The following RASSF4 variants were observed in gnomAD, a reference collection of about 807,000 sequenced individuals.
RASSF4 encodes the protein Ras association domain family member 4.
RASSF4 carries 38 observed loss-of-function variants against 41.1 expected under a neutral mutation model. That is an observed-to-expected ratio of 0.92 (90% CI 0.71 to 1.21). RASSF4 has a LOEUF of 1.21. RASSF4 is among the 50% of genes most tolerant of loss of function. RASSF4 has a pLI of 0.00. For missense variants in RASSF4, 414 were observed against 419.4 expected, an observed-to-expected ratio of 0.99 and a Z score of 0.11; for synonymous variants, 179 against 163.4, an observed-to-expected ratio of 1.10 and a Z score of -0.73.
intron 1 of RASSF4, among the ~76,000 whole-genome samples, chr10:44,966,923 TCTGTATTATTC>T (rs1215497283): frequency 6.6e-6 from 1 of 152,218 alleles, no homozygotes; most frequent in Non-Finnish European, 1.5e-5. Context: ...CCTGTGACCA[TCTGTATTATTC>T]CTGTCTCACC....
chr10:44,975,031 A>C (rs1841346207), intron 3 of RASSF4, among the ~76,000 whole-genome samples: 1 of 152,084 alleles, frequency 6.6e-6, no homozygotes, highest in Non-Finnish European at 1.5e-5. Context: ...CTGGACAAGC[A>C]AGTGAGCCCC....
At chr10:44,980,545 A>G (rs1170912020) in intron 3 of RASSF4, among the ~76,000 whole-genome samples, 2 of 152,186 alleles carry the variant, frequency 1.3e-5, no homozygotes, top group African/African-American at 4.8e-5. Context: ...AGTACAGCCA[A>G]GCCCCCGACC....
At chr10:44,992,608 G>A (rs902657304) in intron 10 of RASSF4, among the ~76,000 whole-genome samples, 3 of 152,206 alleles carry the variant, frequency 2.0e-5, no homozygotes, top group African/African-American at 7.2e-5. Flanking sequence ...AAAGTGAAGT[G>A]TGGTCCAGGA....
intron 3 of RASSF4, among the ~76,000 whole-genome samples, chr10:44,979,526 G>A (rs537867335): frequency 1.3e-5 from 2 of 152,208 alleles, no homozygotes; most frequent in Non-Finnish European, 2.9e-5. Context: ...GGAAAGCAGC[G>A]CAGTGGCATG....
Position 44,985,162 on chromosome 10 carries a change from T to G in RASSF4, c.531+192T>G, listed in dbSNP as rs535465817. Among the ~76,000 whole-genome samples the G allele has an allele frequency of 6.6e-5, 10 of 152,340 alleles. No homozygotes were observed. The South Asian group carries it at 2.1e-3, about 32-fold the overall frequency. ...CCAGCACATGCTCACTGTCAGTGCATCCTCACAAGTCACACAGAATTCTGG... is the reference window on the plus strand; with the variant it reads ...CCAGCACATGCTCACTGTCAGTGCAGCCTCACAAGTCACACAGAATTCTGG... On this transcript the variant is annotated intron_variant, in intron 6 of 10. Transcript: ENST00000340258.
At chr10:44,977,883 G>A in intron 3 of RASSF4, 1 of 1,612,486 alleles carries the variant, frequency 6.2e-7, no homozygotes, top group Non-Finnish European at 8.5e-7. Context: ...ACAGAGGTGG[G>A]CTGTGCCAGT....
rs780841684 is a variant in RASSF4 at position 44,990,970 on chromosome 10, C to T, written c.708C>T (p.Cys236=). Residue 236 remains cysteine (C), a synonymous_variant, in exon 9 of 11, where the codon TGC becomes TGT. Coordinates refer to ENST00000340258, the MANE Select transcript of RASSF4 (RefSeq NM_032023.4). The part of the protein sequence containing the change: ...ESGERTKLKD[C]EYPLISRILH... ...CAGAGCGGACAAAATTAAAAGACTG[C>T]GAGTACCCGCTGATTTCCAGAATCC... The T allele has an allele frequency of 1.5e-5, 24 of 1,613,186 alleles. No individual in the cohort carries two copies. Among genetic ancestry groups the T allele is most frequent in the Admixed American group, 3.3e-5 (2 of 59,982 alleles).
chr10:44,963,937 T>A (rs1031394083), intron 1 of RASSF4, among the ~76,000 whole-genome samples: 1 of 152,226 alleles, frequency 6.6e-6, no homozygotes, highest in Non-Finnish European at 1.5e-5. Context: ...GGCTTTCAAG[T>A]GGACTCAATT....
At chr10:44,981,643 G>A (rs1283701292) in intron 3 of RASSF4, 1 of 152,248 alleles carries the variant, frequency 6.6e-6, no homozygotes, top group Non-Finnish European at 1.5e-5. Context: ...GAGGTTGCTG[G>A]CAAGTATTCT....
intron 9 of RASSF4, among the ~76,000 whole-genome samples, 194 bp from the exon 10 acceptor site, chr10:44,991,711 T>C (rs986982432): frequency 2.6e-5 from 4 of 152,162 alleles, no homozygotes; most frequent in Non-Finnish European, 4.4e-5. Context: ...ACAGTTGCCT[T>C]TGAGATAGTA....
chr10:44,991,666 C>G (rs1413697766), intron 9 of RASSF4, among the ~76,000 whole-genome samples: 1 of 152,230 alleles, frequency 6.6e-6, no homozygotes, highest in East Asian at 1.9e-4. Flanking sequence ...GAATGCTCTT[C>G]CTAATATTCA....
chr10:44,977,901 T>A, intron 3 of RASSF4: 1 of 1,612,638 alleles, frequency 6.2e-7, no homozygotes, highest in South Asian at 1.1e-5. Context: ...AGTCGAGATA[T>A]AGACCTCACG....
intron 3 of RASSF4, among the ~76,000 whole-genome samples, chr10:44,972,156 C>T (rs1319239612): frequency 2.0e-5 from 3 of 152,134 alleles, no homozygotes; most frequent in Admixed American, 2.0e-4. Context: ...ATGTGAACTG[C>T]TGCCGAGAAC....
chr10:44,983,782 G>A, intron 4 of RASSF4: 1 of 593,886 alleles, frequency 1.7e-6, no homozygotes, highest in Non-Finnish European at 2.9e-6. Flanking sequence ...ATGCAGCCCA[G>A]CACAAGCCCT....
intron 1 of RASSF4, among the ~76,000 whole-genome samples, chr10:44,969,099 CGT>C (rs1159600541): frequency 2.7e-5 from 3 of 111,694 alleles, no homozygotes; most frequent in East Asian, 2.4e-4. Flanking sequence ...ATTGTGTATG[CGT>C]GTGTTTTTGT....
At chr10:44,971,008 T>A (rs979706528) in intron 2 of RASSF4, 3 of 171,982 alleles carry the variant, frequency 1.7e-5, no homozygotes, top group Middle Eastern at 5.8e-3. Context: ...CCTCCAACAC[T>A]GGGAATTACA....
Position 44,971,857 on chromosome 10 carries a change from G to C in RASSF4, c.138+9G>C, listed in dbSNP as rs771367535. 1.2e-6 allele frequency: 2 copies of C among 1,601,706 alleles called. No individual in the cohort carries two copies. Among genetic ancestry groups the C allele is most frequent in the South Asian group, 1.1e-5 (1 of 90,620 alleles). ...AGCTGAGACACCGTGAGGTGAGCCTGTTGCTCTTGTTCATGGGGTCACCAT... is the reference window on the plus strand; with the variant it reads ...AGCTGAGACACCGTGAGGTGAGCCTCTTGCTCTTGTTCATGGGGTCACCAT... On this transcript the variant is annotated intron_variant, in intron 3 of 10. Coordinates refer to ENST00000340258, the MANE Select transcript of RASSF4 (RefSeq NM_032023.4).
At chr10:44,973,455 T>G (rs564765826) in intron 3 of RASSF4, among the ~76,000 whole-genome samples, 1 of 152,354 alleles carries the variant, frequency 6.6e-6, no homozygotes, top group South Asian at 2.1e-4. Context: ...TGGTCACTGC[T>G]GTTCTTCAGC....
intron 4 of RASSF4, chr10:44,983,718 G>C: frequency 2.9e-6 from 1 of 342,622 alleles, no homozygotes; most frequent in Non-Finnish European, 5.4e-6. Flanking sequence ...GCTAAGCCTG[G>C]TGTCTAGGAA....
Sources: gnomAD v4.1 joint callset for allele counts (sites outside exome capture counted in the v4.1 genomes callset) on GRCh38, gnomAD v4.1.1 for gene constraint, MANE v1.5 for transcripts, NCBI Gene and HGNC (gene_info 2026-07-23, HGNC 2026-07-21) for gene names.